ADAMTS8: variants seen among roughly 807,000 people sequenced by gnomAD.
ADAMTS8 encodes A disintegrin and metalloproteinase with thrombospondin motifs 8.
Under a neutral mutation model 64.4 loss-of-function variants are expected in ADAMTS8, and 50 were observed. That is an observed-to-expected ratio of 0.78 (90% confidence interval 0.62 to 0.98). ADAMTS8 has a LOEUF of 0.98. ADAMTS8 is among the 50% of genes least tolerant of loss of function. The pLI is 0.00. For synonymous variants in ADAMTS8, 556 were observed against 533.6 expected (o/e 1.04, Z -0.58); for missense variants, 1,192 against 1,208.2 (o/e 0.99, Z 0.20).
chr11:130,407,656 G>A (rs963459180), intron 8 of ADAMTS8, among the ~76,000 whole-genome samples: 1 of 152,320 alleles, frequency 6.6e-6, no homozygotes, highest in African/African-American at 2.4e-5. Context: ...GACAGGCAGA[G>A]TGTGGCCCAT....
chr11:130,423,498 G>A (rs1488090276), intron 1 of ADAMTS8, among the ~76,000 whole-genome samples: 1 of 152,176 alleles, frequency 6.6e-6, no homozygotes, highest in East Asian at 1.9e-4. Flanking sequence ...AAACTGGGAT[G>A]CTGCTGGACA....
In ADAMTS8 at chr11:130,423,702, C is replaced by T. The variant is rs777081612; in HGVS notation, c.720+3865G>A. On this transcript the variant is annotated intron_variant, in intron 1 of 8. Coordinates refer to ENST00000257359, the MANE Select transcript of ADAMTS8 (RefSeq NM_007037.6). Reference sequence around the variant, plus strand: ...GACCCTCTCTGCTAAGAAGAGGACTCGAAAACTCTGCTCACTGCAGAAGCA... The same window carrying T: ...GACCCTCTCTGCTAAGAAGAGGACTTGAAAACTCTGCTCACTGCAGAAGCA... Among the ~76,000 whole-genome samples the T allele has an allele frequency of 2.0e-5, 3 of 152,220 alleles. No individual in the cohort carries two copies. The East Asian group carries it at 5.8e-4, about 29-fold the overall frequency.
Position 130,414,517 on chromosome 11 carries a change from G to A in ADAMTS8, c.1566+14C>T, listed in dbSNP as rs774127801. On this transcript the variant is annotated intron_variant, in intron 5 of 8. Coordinates refer to ENST00000257359, the MANE Select transcript of ADAMTS8 (RefSeq NM_007037.6). The stretch of plus-strand genomic sequence containing the variant: ...CCTTTCCCCTCCCCGCTATCCTCAG[G>A]GGCTGTCCCTCACCTTGGGCCTCTC... The A allele has an allele frequency of 1.0e-5, 16 of 1,578,910 alleles. No homozygotes were observed. The highest frequency in any genetic ancestry group is 3.4e-4 in the Middle Eastern group (2 of 5,904).
At chr11:130,415,539 G>A (rs1862010585) in intron 4 of ADAMTS8, among the ~76,000 whole-genome samples, 1 of 148,964 alleles carries the variant, frequency 6.7e-6, no homozygotes. Context: ...TCCTGACCTT[G>A]TGATCCACCT....
At chr11:130,417,569 T>C (rs1862043739) in intron 2 of ADAMTS8, among the ~76,000 whole-genome samples, 1 of 152,158 alleles carries the variant, frequency 6.6e-6, no homozygotes, top group Non-Finnish European at 1.5e-5. Flanking sequence ...AATTAAACTT[T>C]AGAGACGAGG....
chr11:130,416,943 G>A lies in ADAMTS8; in HGVS notation c.1093C>T (p.Leu365=), dbSNP rs778041040. 10 of 1,613,984 alleles carry A rather than the reference G, an allele frequency of 6.2e-6. No individual in the cohort carries two copies. The highest frequency in any genetic ancestry group is 1.7e-5 in the Admixed American group (1 of 60,008). Residue 365 remains leucine, a synonymous_variant, in exon 3 of 9, where the codon CTA becomes TTA. Transcript: ENST00000257359. The surrounding 1 kb of genome is among the most constrained non-coding windows in gnomAD (Gnocchi z 4.8). The part of the protein sequence containing the change: ...LQAAHTLAHE[L]GHVLSMPHDD... The stretch of plus-strand genomic sequence containing the variant: ...GCTTTGGCACAGCAAATCTTACCTA[G>A]TTCATGGGCCAGGGTGTGGGCCGCC...
chr11:130,417,116 G>A lies in ADAMTS8; in HGVS notation c.961-41C>T. On this transcript the variant is annotated intron_variant, in intron 2 of 8. Transcript: ENST00000257359. The stretch of plus-strand genomic sequence containing the variant: ...AGAGCAAGAGAGTGCATCAGTGTGT[G>A]TGTGGGGTGCGCTGCAGGCCTGCAG... The A allele has an allele frequency of 3.7e-6, 6 of 1,610,548 alleles. 1 individual carries two copies. The highest frequency in any genetic ancestry group is 2.2e-5 in the South Asian group (2 of 91,022).
intron 1 of ADAMTS8, 91 bp from the exon 2 acceptor site, chr11:130,419,383 G>A: frequency 6.5e-6 from 10 of 1,548,104 alleles, no homozygotes; most frequent in Non-Finnish European, 8.8e-6. Flanking sequence ...CTCTTGTTAT[G>A]GGGCTGAGCA....
chr11:130,405,038 G>T lies in ADAMTS8; in HGVS notation c.*520C>A. 1.1e-5 allele frequency: 11 copies of T among 986,868 alleles called. No homozygotes were observed. The highest frequency in any genetic ancestry group is 1.3e-5 in the Non-Finnish European group (11 of 830,748). The allele number at this position is 986,868 out of a possible 1,614,324, so 61.1% of individuals were successfully genotyped here. A position where few individuals can be genotyped will look rare whatever the true frequency, so the allele number is the denominator to read the frequency against. The stretch of plus-strand genomic sequence containing the variant: ...GGCTCTCCAAACCCTGCGACGCTGC[G>T]GCCCTTTAGGTGATGGATTTTAACA... On this transcript the variant is annotated 3_prime_UTR_variant, in exon 9 of 9. Transcript: ENST00000257359.
At chr11:130,421,706 A>G (rs1485743301) in intron 1 of ADAMTS8, among the ~76,000 whole-genome samples, 1 of 151,436 alleles carries the variant, frequency 6.6e-6, no homozygotes, top group Non-Finnish European at 1.5e-5. Flanking sequence ...TTCCCTACGG[A>G]GAAGGACCAC....
intron 1 of ADAMTS8, among the ~76,000 whole-genome samples, chr11:130,427,303 G>A (rs1211354290): frequency 6.6e-6 from 1 of 152,112 alleles, no homozygotes; most frequent in African/African-American, 2.4e-5. Context: ...AGGGATGGGC[G>A]TCGGCAGCCC....
intron 1 of ADAMTS8, among the ~76,000 whole-genome samples, chr11:130,424,838 T>A: frequency 6.6e-6 from 1 of 151,886 alleles, no homozygotes; most frequent in Non-Finnish European, 1.5e-5. Context: ...TGTACCTCAG[T>A]CCCTCCCCCA....
intron 2 of ADAMTS8, 90 bp from the exon 3 acceptor site, chr11:130,417,165 G>A (rs1051584991): frequency 3.9e-5 from 61 of 1,555,764 alleles, no homozygotes; most frequent in African/African-American, 4.1e-5. Context: ...CAGCGTGCAC[G>A]TGGGAGTGGA....
intron 5 of ADAMTS8, 125 bp downstream of exon 5, chr11:130,414,406 G>T: frequency 8.1e-7 from 1 of 1,230,680 alleles, no homozygotes; most frequent in Non-Finnish European, 1.1e-6. Context: ...GAGCCGCTCT[G>T]CCTGGCTGTC....
In ADAMTS8 at chr11:130,414,675, C is replaced by T. The variant is rs201421602; in HGVS notation, c.1422G>A (p.Gln474=). 10 of 1,613,848 alleles carry T rather than the reference C, an allele frequency of 6.2e-6. No individual in the cohort carries two copies. Among genetic ancestry groups the T allele is most frequent in the Non-Finnish European group, 6.8e-6 (8 of 1,180,038 alleles). ...CAGCCCCATCAGTGTGGCACCAAAG[C>T]TGGGCGCAGACGTCCTGAGCAGAGG... The part of the protein sequence containing the change: ...PNTSAQDVCA[Q]LWCHTDGAEP... Residue 474 remains glutamine, a synonymous_variant, in exon 5 of 9, where the codon CAG becomes CAA. Transcript: ENST00000257359.
chr11:130,414,934 G>T, intron 4 of ADAMTS8, 102 bp from the exon 5 acceptor site: 1 of 1,239,980 alleles, frequency 8.1e-7, no homozygotes, highest in Non-Finnish European at 1.1e-6. Context: ...TAGGTGTCAC[G>T]ACTTCTTGAC....
chr11:130,420,305 C>T (rs890105113), intron 1 of ADAMTS8, among the ~76,000 whole-genome samples: 1 of 152,178 alleles, frequency 6.6e-6, no homozygotes, highest in Non-Finnish European at 1.5e-5. Context: ...CTGTCTTGTC[C>T]CTGGGCTGCC....
At chr11:130,427,420 G>C (rs534239692) in intron 1 of ADAMTS8, 147 bp downstream of exon 1, 11 of 994,928 alleles carry the variant, frequency 1.1e-5, no homozygotes, top group African/African-American at 8.2e-5. Context: ...ATCTCGTTTG[G>C]GGTAAGGCTG....
In ADAMTS8 at chr11:130,428,156, G is replaced by A. The variant is rs555787886; in HGVS notation, c.131C>T (p.Thr44Met). The A allele has an allele frequency of 2.3e-4, 342 of 1,476,326 alleles. 1 individual carries two copies. In the African/African-American group the frequency reaches 3.2e-3, roughly 14 times the overall value. The allele number at this position is 1,476,326 out of a possible 1,614,324, so 91.5% of individuals were successfully genotyped here. A position where few individuals can be genotyped will look rare whatever the true frequency, so the allele number is the denominator to read the frequency against. Reference sequence around the variant, plus strand: ...CTCGCCCGCGCTGCCGGGCAACCGCGTGGGCACCACCAGCTCCGAGGCCTG... The same window carrying A: ...CTCGCCCGCGCTGCCGGGCAACCGCATGGGCACCACCAGCTCCGAGGCCTG... ...GGQASELVVP[T>M]RLPGSAGELA... is the part of the protein sequence containing the mutation. The change falls in exon 1 of 9, where the codon ACG (threonine) becomes ATG (methionine). Residue 44 changes from threonine to methionine, a missense_variant. Physicochemically the swap from Thr to Met is moderately conservative, Grantham distance 81. Coordinates refer to ENST00000257359, the MANE Select transcript of ADAMTS8 (RefSeq NM_007037.6).
Sources: gnomAD v4.1 joint callset for allele counts (sites outside exome capture counted in the v4.1 genomes callset) on GRCh38, gnomAD v4.1.1 for gene constraint, Gnocchi (gnomAD v3.1) non-coding constraint, MANE v1.5 for transcripts, NCBI Gene and HGNC (gene_info 2026-07-23, HGNC 2026-07-21) for gene names.